Variants in DSCAM observed in about 807,000 individuals in gnomAD.
DSCAM encodes the protein DS cell adhesion molecule.
Under a neutral mutation model 217.7 loss-of-function variants are expected in DSCAM, and 47 were observed. That is an observed-to-expected ratio of 0.22 (90% CI 0.17 to 0.28). The LOEUF is 0.28. Among genes scored for constraint, DSCAM ranks in the 10% least tolerant of loss-of-function variants. DSCAM has a pLI of 1.00. For synonymous variants in DSCAM, 1,056 were observed against 1,015.3 expected (o/e 1.04, Z -0.76); for missense variants, 2,080 against 2,618.3 (o/e 0.79, Z 4.49).
chr21:40,717,615 C>A (rs1051133864), intron 1 of DSCAM, among the ~76,000 whole-genome samples: 1 of 152,184 alleles, frequency 6.6e-6, no homozygotes, highest in African/African-American at 2.4e-5. Flanking sequence ...AGAGGGAGAT[C>A]TGTAGAGACA....
In DSCAM at chr21:40,129,247, C is replaced by T. The variant is rs577901893; in HGVS notation, c.3562+4607G>A. Among the ~76,000 whole-genome samples, 8 of 152,320 alleles carry T rather than the reference C, an allele frequency of 5.3e-5. No homozygotes were observed. In the East Asian group the frequency reaches 5.8e-4, roughly 11 times the overall value. ...GCCATGCCGTGCCGTGCAGATGCTA[C>T]GATCCTGGAGGGACATGTCACATTC... On this transcript the variant is annotated intron_variant, in intron 19 of 32. Coordinates refer to ENST00000400454, the MANE Select transcript of DSCAM (RefSeq NM_001389.5).
At chr21:40,328,795 C>T (rs552628813) in intron 8 of DSCAM, among the ~76,000 whole-genome samples, 1 of 151,884 alleles carries the variant, frequency 6.6e-6, no homozygotes, top group Non-Finnish European at 1.5e-5. Context: ...AATGCAATAG[C>T]AAGAAAACAA....
At chr21:40,536,547 G>T (rs1042038245) in intron 3 of DSCAM, among the ~76,000 whole-genome samples, 1 of 151,808 alleles carries the variant, frequency 6.6e-6, no homozygotes, top group Non-Finnish European at 1.5e-5. Flanking sequence ...GACTACAGGC[G>T]CCCACCACCA....
At chr21:40,797,443 G>A (rs2091701738) in intron 1 of DSCAM, among the ~76,000 whole-genome samples, 1 of 152,186 alleles carries the variant, frequency 6.6e-6, no homozygotes, top group African/African-American at 2.4e-5. Context: ...GATGTAGGTG[G>A]AACAACCACT....
intron 15 of DSCAM, among the ~76,000 whole-genome samples, chr21:40,176,243 G>A (rs1163172287): frequency 6.6e-6 from 1 of 152,118 alleles, no homozygotes; most frequent in East Asian, 1.9e-4. Flanking sequence ...AACAATAGGG[G>A]TCTGGGAGCA....
rs2092150154 is a variant in DSCAM at position 40,846,795 on chromosome 21, C to CCGT, written c.-135_-134insACG. On this transcript the variant is annotated 5_prime_UTR_variant, in exon 1 of 33. Transcript: ENST00000400454. The stretch of plus-strand genomic sequence containing the variant: ...CGCCCGCCGCCCGCCGCCGCCGCCG[C>CCGT]CGCTGCCTAGCCGCCCGGGCACGCG... 1 of 236,930 alleles carries CCGT rather than the reference C, an allele frequency of 4.2e-6. No individual in the cohort carries two copies. Among genetic ancestry groups the CCGT allele is most frequent in the Non-Finnish European group, 6.7e-6 (1 of 148,416 alleles). 14.7% of individuals were successfully genotyped at this position (236,930 alleles called of 1,614,324 possible). A position where few individuals can be genotyped will look rare whatever the true frequency, so the allele number is the denominator to read the frequency against.
intron 20 of DSCAM, among the ~76,000 whole-genome samples, chr21:40,103,755 T>G (rs997778417): frequency 2.0e-5 from 3 of 150,940 alleles, no homozygotes; most frequent in Non-Finnish European, 4.4e-5. Flanking sequence ...TGGCTACTTT[T>G]AAAAAGCCTT....
chr21:40,306,981 C>T (rs1377219229), intron 9 of DSCAM, among the ~76,000 whole-genome samples: 1 of 152,158 alleles, frequency 6.6e-6, no homozygotes, highest in Non-Finnish European at 1.5e-5. Context: ...AGGATTCCCT[C>T]TTTTTCTATT....
intron 3 of DSCAM, among the ~76,000 whole-genome samples, chr21:40,398,054 C>G (rs374996796): frequency 1.3e-5 from 2 of 152,324 alleles, no homozygotes; most frequent in East Asian, 1.9e-4. Flanking sequence ...GTTTAGGAGG[C>G]TGTGCTGCAC....
intron 8 of DSCAM, 99 bp downstream of exon 8, chr21:40,338,002 A>T (rs2074445827): frequency 6.9e-7 from 1 of 1,440,628 alleles, no homozygotes; most frequent in African/African-American, 1.4e-5. Flanking sequence ...ATCCTGCTCT[A>T]AATAAGCAGA....
chr21:40,259,534 C>G (rs1045766597), intron 11 of DSCAM, among the ~76,000 whole-genome samples: 1 of 151,992 alleles, frequency 6.6e-6, no homozygotes, highest in African/African-American at 2.4e-5. Context: ...TGTAAAGAGG[C>G]GATGCATCTG....
chr21:40,719,678 A>C (rs2090880748), intron 1 of DSCAM, among the ~76,000 whole-genome samples: 1 of 152,248 alleles, frequency 6.6e-6, no homozygotes, highest in South Asian at 2.1e-4. Context: ...GGTGAAGAAA[A>C]GCAAAAAGAC....
chr21:40,674,506 C>A (rs550972293), intron 3 of DSCAM, among the ~76,000 whole-genome samples: 29 of 152,156 alleles, frequency 1.9e-4, no homozygotes, highest in African/African-American at 6.7e-4. Context: ...GTATAATAAA[C>A]CTCCATGTAC....
At chr21:40,447,858 T>A (rs1175588076) in intron 3 of DSCAM, among the ~76,000 whole-genome samples, 1 of 152,208 alleles carries the variant, frequency 6.6e-6, no homozygotes, top group African/African-American at 2.4e-5. Context: ...ATCGATCAAC[T>A]TCAAACCTAC....
At chr21:40,129,681 G>C (rs1007707091) in intron 19 of DSCAM, among the ~76,000 whole-genome samples, 5 of 152,186 alleles carry the variant, frequency 3.3e-5, no homozygotes, top group African/African-American at 1.2e-4. Context: ...ATAGGCTATA[G>C]AGCACTGGAA....
intron 3 of DSCAM, among the ~76,000 whole-genome samples, chr21:40,405,488 G>T (rs928016383): frequency 2.0e-5 from 3 of 152,072 alleles, no homozygotes; most frequent in Non-Finnish European, 2.9e-5. Flanking sequence ...GGCAATAAAG[G>T]GAACATAGTG....
At chr21:40,844,648 A>G (rs2092129849) in intron 1 of DSCAM, among the ~76,000 whole-genome samples, 1 of 152,214 alleles carries the variant, frequency 6.6e-6, no homozygotes, top group Non-Finnish European at 1.5e-5. Context: ...GAGGTTTCAT[A>G]TAATTGTATT....
intron 3 of DSCAM, among the ~76,000 whole-genome samples, chr21:40,439,755 G>T (rs1343978746): frequency 6.6e-6 from 1 of 152,172 alleles, no homozygotes; most frequent in South Asian, 2.1e-4. Context: ...TACATGGATG[G>T]CAGCAGGCAA....
At chr21:40,641,876 C>T (rs1375668045) in intron 3 of DSCAM, among the ~76,000 whole-genome samples, 3 of 151,876 alleles carry the variant, frequency 2.0e-5, no homozygotes, top group African/African-American at 7.3e-5. Flanking sequence ...GGTGAAACCC[C>T]GTCTCTACTA....
Sources: allele counts gnomAD v4.1 joint callset (sites outside exome capture counted in the v4.1 genomes callset), GRCh38; gene constraint gnomAD v4.1.1; transcripts MANE v1.5; gene names NCBI Gene and HGNC (gene_info 2026-07-23, HGNC 2026-07-21).